DNAH7: variants seen among roughly 807,000 people sequenced by gnomAD.
DNAH7 encodes axonemal beta dynein heavy chain 7.
Under a neutral mutation model 444.6 loss-of-function variants are expected in DNAH7, and 397 were observed. The ratio of observed to expected loss-of-function variants is 0.89; its 90% CI spans 0.82 to 0.97. The LOEUF (loss-of-function observed/expected upper bound fraction) is 0.97, where lower values mean the gene tolerates loss of function less well. DNAH7 is among the 50% of genes least tolerant of loss of function. The pLI is 0.00. For missense variants in DNAH7, 4,902 were observed against 4,800.8 expected (o/e 1.02, Z -0.62); for synonymous variants, 1,636 against 1,624.4 (o/e 1.01, Z -0.17).
intron 1 of DNAH7, among the ~76,000 whole-genome samples, chr2:196,066,910 C>T (rs1698457436): frequency 6.6e-6 from 1 of 152,202 alleles, no homozygotes; most frequent in Non-Finnish European, 1.5e-5. Flanking sequence ...GAAAGCTACA[C>T]TCTAAATTAG....
intron 63 of DNAH7, among the ~76,000 whole-genome samples, chr2:195,747,251 G>T (rs1693478511): frequency 6.6e-6 from 1 of 152,182 alleles, no homozygotes; most frequent in African/African-American, 2.4e-5. Context: ...AAATCTAGAA[G>T]AAATGGATAA....
chr2:195,892,666 A>G (rs1702081570), intron 30 of DNAH7: 1 of 152,100 alleles, frequency 6.6e-6, no homozygotes, highest in Non-Finnish European at 1.5e-5. Context: ...ACTATTAACT[A>G]AAGTCTATAG....
intron 57 of DNAH7, among the ~76,000 whole-genome samples, chr2:195,792,373 A>G (rs969706867): frequency 2.9e-4 from 43 of 147,034 alleles, no homozygotes; most frequent in Non-Finnish European, 4.8e-4. Flanking sequence ...TAAAAGTTGA[A>G]AGTACAAAAA....
In DNAH7 at chr2:196,000,443, T is replaced by C. The variant is rs1049191643; in HGVS notation, c.1353+261A>G. Among the ~76,000 whole-genome samples, 8 of 152,184 alleles carry C rather than the reference T, an allele frequency of 5.3e-5. No individual in the cohort carries two copies. In the South Asian group the frequency reaches 6.2e-4, roughly 12 times the overall value. ...GTAGGAGAGCTACAGTAAACACTCA[T>C]TGGCTGCTTCAAACCTGATCACAAC... On this transcript the variant is annotated intron_variant, in intron 12 of 64. Transcript: ENST00000312428.
At chr2:195,818,473 T>C (rs1697322015) in intron 49 of DNAH7, among the ~76,000 whole-genome samples, 2 of 152,170 alleles carry the variant, frequency 1.3e-5, no homozygotes, top group Admixed American at 1.3e-4. Flanking sequence ...TGTCCACATC[T>C]CCTGTTTCTT....
In DNAH7 at chr2:195,849,351, T is replaced by C. The variant is rs189328100; in HGVS notation, c.8781+3992A>G. Among the ~76,000 whole-genome samples the C allele has an allele frequency of 2.2e-3, 338 of 152,322 alleles. 2 individuals carry two copies. Among genetic ancestry groups the C allele is most frequent in the Non-Finnish European group, 1.5e-3 (103 of 68,028 alleles). ...TTTAAGCTCAGTTGACTAGCAACCA[T>C]AATTCCATCTGCAAAGTCCCTTTGC... On this transcript the variant is annotated intron_variant, in intron 46 of 64. Coordinates refer to ENST00000312428, the MANE Select transcript of DNAH7 (RefSeq NM_018897.3).
intron 10 of DNAH7, among the ~76,000 whole-genome samples, chr2:196,004,111 T>C (rs1356216407): frequency 6.6e-6 from 1 of 152,194 alleles, no homozygotes; most frequent in African/African-American, 2.4e-5. Context: ...TAGATCTATA[T>C]TACAGAAAAC....
At chr2:195,786,951 C>T in intron 58 of DNAH7, 59 bp downstream of exon 58, 1 of 1,477,106 alleles carries the variant, frequency 6.8e-7, no homozygotes, top group East Asian at 2.3e-5. Flanking sequence ...TACTATAACA[C>T]ACTTATAACA....
intron 46 of DNAH7, among the ~76,000 whole-genome samples, chr2:195,849,476 A>G (rs1025664128): frequency 6.6e-5 from 10 of 152,112 alleles, no homozygotes; most frequent in African/African-American, 2.4e-4. Flanking sequence ...TCATCTGGCT[A>G]TTTTGTTTTA....
chr2:195,995,311 C>T, intron 12 of DNAH7: 2 of 495,098 alleles, frequency 4.0e-6, no homozygotes, highest in South Asian at 1.5e-5. Context: ...AGCAGTTTTT[C>T]TGCCTTGTTC....
intron 29 of DNAH7, among the ~76,000 whole-genome samples, chr2:195,895,534 G>A (rs1335249059): frequency 6.6e-6 from 1 of 152,158 alleles, no homozygotes; most frequent in Non-Finnish European, 1.5e-5. Context: ...CCGCCTCCCA[G>A]GCTCAAGCCA....
chr2:195,948,086 T>C (rs1574852331), intron 19 of DNAH7, among the ~76,000 whole-genome samples: 1 of 152,362 alleles, frequency 6.6e-6, no homozygotes, highest in African/African-American at 2.4e-5. Flanking sequence ...GCCACATAAA[T>C]GTCTTCTTTT....
intron 10 of DNAH7, among the ~76,000 whole-genome samples, chr2:196,007,560 C>T (rs923660086): frequency 2.6e-5 from 4 of 152,086 alleles, no homozygotes; most frequent in Admixed American, 1.3e-4. Flanking sequence ...TGTGTCTCCA[C>T]CCAAATCTCA....
rs946849927 is a variant in DNAH7, at chr2:195,737,802, A to AATT, written c.*116_*118dup. 121 of 847,580 alleles carry AATT rather than the reference A, an allele frequency of 1.4e-4. 1 individual carries two copies. The Admixed American group carries it at 3.3e-3, about 23-fold the overall frequency. The allele number at this position is 847,580 out of a possible 1,614,324, so 52.5% of individuals were successfully genotyped here. ...TGCATTTGCTCATAAGTAAATTCAT[A>AATT]ATTATAACTTTAGTCAAATGTATTT... is the stretch of plus-strand genomic sequence containing the variant. On this transcript the variant is annotated 3_prime_UTR_variant, in exon 65 of 65. Transcript: ENST00000312428.
chr2:195,940,568 A>T (rs533559310), intron 19 of DNAH7, among the ~76,000 whole-genome samples: 2 of 152,340 alleles, frequency 1.3e-5, no homozygotes, highest in Admixed American at 1.3e-4. Context: ...AGCAAAATAA[A>T]CTATCATCAG....
intron 15 of DNAH7, among the ~76,000 whole-genome samples, chr2:195,981,626 T>C (rs1273536633): frequency 6.6e-6 from 1 of 152,134 alleles, no homozygotes; most frequent in East Asian, 1.9e-4. Flanking sequence ...ACACAGACTA[T>C]TGGAACAGAA....
chr2:196,047,327 G>A (rs73987680), intron 5 of DNAH7, 25 bp downstream of exon 5: 15,883 of 1,523,124 alleles, frequency 0.01, 583 homozygotes, highest in African/African-American at 0.099. Context: ...TGGGTAACAC[G>A]TAATGGTTAG....
At chr2:195,796,152 G>C (rs1415122980) in intron 56 of DNAH7, among the ~76,000 whole-genome samples, 1 of 152,228 alleles carries the variant, frequency 6.6e-6, no homozygotes, top group Non-Finnish European at 1.5e-5. Flanking sequence ...CTGGCCAAGT[G>C]GGAGAGAAGT....
Position 196,068,805 on chromosome 2 carries a change from G to T in DNAH7, c.-94C>A. On this transcript the variant is annotated 5_prime_UTR_variant, in exon 1 of 65. It adds an upstream start codon to the 5' untranslated region. Coordinates refer to ENST00000312428, the MANE Select transcript of DNAH7 (RefSeq NM_018897.3). ...TAGAGGCAGGGCCCCGGGACTTGCA[G>T]CGGTCTCAGCTCCCTCCGCACCAGA... is the stretch of plus-strand genomic sequence containing the variant. 1 of 1,481,974 alleles carries T rather than the reference G, an allele frequency of 6.7e-7. No individual in the cohort carries two copies. The allele number at this position is 1,481,974 out of a possible 1,614,324, so 91.8% of individuals were successfully genotyped here.
Sources: allele counts gnomAD v4.1 joint callset (sites outside exome capture counted in the v4.1 genomes callset), GRCh38; gene constraint gnomAD v4.1.1; transcripts MANE v1.5; gene names NCBI Gene and HGNC (gene_info 2026-07-23, HGNC 2026-07-21).